Variants in FAM227B observed in about 807,000 individuals in gnomAD.
The protein encoded by FAM227B is family with sequence similarity 227 member B.
A neutral mutation model predicts 73.8 loss-of-function variants in FAM227B; 88 were observed. That is an observed-to-expected ratio of 1.19 (90% confidence interval 1.00 to 1.42). FAM227B has a LOEUF of 1.42. FAM227B is among the 40% of genes most tolerant of loss of function. FAM227B has a pLI of 0.00. For synonymous variants in FAM227B, 210 were observed against 190.5 expected, an observed-to-expected ratio of 1.10 and a Z score of -0.84; for missense variants, 632 against 590.9, an observed-to-expected ratio of 1.07 and a Z score of -0.72.
At chr15:49,457,003 T>C (rs891799453) in intron 11 of FAM227B, among the ~76,000 whole-genome samples, 1 of 152,086 alleles carries the variant, frequency 6.6e-6, no homozygotes, top group Admixed American at 6.6e-5. Context: ...ATCACAGAGC[T>C]AGTGAGTGGA....
intron 11 of FAM227B, among the ~76,000 whole-genome samples, chr15:49,446,991 T>A (rs2052280818): frequency 6.6e-6 from 1 of 151,482 alleles, no homozygotes; most frequent in Non-Finnish European, 1.5e-5. Flanking sequence ...TTGACAGGTA[T>A]AACCAGAACA....
chr15:49,427,679 A>C (rs909204984), intron 11 of FAM227B, among the ~76,000 whole-genome samples: 8 of 152,136 alleles, frequency 5.3e-5, no homozygotes, highest in African/African-American at 1.9e-4. Context: ...AATAGGCTTC[A>C]GAGGACTACT....
intron 2 of FAM227B, among the ~76,000 whole-genome samples, chr15:49,613,393 C>T (rs576549265): frequency 6.6e-6 from 1 of 152,058 alleles, no homozygotes; most frequent in South Asian, 2.1e-4. Context: ...CCCAGCTACT[C>T]GAGAGGCTGA....
At chr15:49,467,927 T>G (rs1451730788) in intron 11 of FAM227B, among the ~76,000 whole-genome samples, 4 of 152,120 alleles carry the variant, frequency 2.6e-5, no homozygotes, top group Non-Finnish European at 5.9e-5. Flanking sequence ...TCCCATGACA[T>G]TCTTCAGTAA....
chr15:49,602,060 T>C (rs1181205742), intron 3 of FAM227B, among the ~76,000 whole-genome samples: 6 of 152,224 alleles, frequency 3.9e-5, no homozygotes, highest in Non-Finnish European at 8.8e-5. Context: ...ACACTTAAGA[T>C]TGCTTCCTAA....
chr15:49,433,472 T>C (rs1218379359), intron 11 of FAM227B, among the ~76,000 whole-genome samples: 1 of 151,716 alleles, frequency 6.6e-6, no homozygotes, highest in Non-Finnish European at 1.5e-5. Context: ...TAAAATTAGA[T>C]GTAAATAAGA....
intron 11 of FAM227B, among the ~76,000 whole-genome samples, chr15:49,470,349 A>T (rs968709291): frequency 2.0e-5 from 3 of 152,190 alleles, no homozygotes; most frequent in Non-Finnish European, 4.4e-5. Context: ...GGTGCTGAGC[A>T]AATTTCTTTT....
chr15:49,488,687 T>C (rs1233141577), intron 11 of FAM227B: 10 of 152,170 alleles, frequency 6.6e-5, no homozygotes, highest in Non-Finnish European at 1.5e-5. Context: ...AACATTTCAC[T>C]TATGAAAAAC....
intron 10 of FAM227B, among the ~76,000 whole-genome samples, chr15:49,510,101 G>A (rs1449848819): frequency 6.6e-6 from 1 of 151,998 alleles, no homozygotes; most frequent in Non-Finnish European, 1.5e-5. Context: ...GTTACATTTT[G>A]ATGTATTAAT....
At chr15:49,573,772 T>C (rs1451549446) in intron 8 of FAM227B, among the ~76,000 whole-genome samples, 2 of 152,218 alleles carry the variant, frequency 1.3e-5, no homozygotes, top group African/African-American at 2.4e-5. Flanking sequence ...GTTTAATAAA[T>C]GTCAATTAGT....
At chr15:49,528,585 G>A (rs1392083042) in intron 10 of FAM227B, among the ~76,000 whole-genome samples, 1 of 151,676 alleles carries the variant, frequency 6.6e-6, no homozygotes, top group Non-Finnish European at 1.5e-5. Flanking sequence ...AAAAGTATTT[G>A]CAAATTGTGC....
intron 11 of FAM227B, among the ~76,000 whole-genome samples, chr15:49,434,121 CT>C (rs1488806000): frequency 6.6e-6 from 1 of 151,496 alleles, no homozygotes; most frequent in African/African-American, 2.4e-5. Context: ...CTTCAGGAGT[CT>C]TTTGGTATCT....
chr15:49,384,447 G>T (rs1334307217), intron 11 of FAM227B, among the ~76,000 whole-genome samples: 1 of 151,960 alleles, frequency 6.6e-6, no homozygotes, highest in Non-Finnish European at 1.5e-5. Flanking sequence ...ATGGGGTGGG[G>T]ACGAGTCTCA....
chr15:49,405,794 A>G (rs1317904082), intron 11 of FAM227B, among the ~76,000 whole-genome samples: 1 of 152,158 alleles, frequency 6.6e-6, no homozygotes, highest in African/African-American at 2.4e-5. Flanking sequence ...TGGAGAAGTG[A>G]TGCAGTCATT....
At chr15:49,424,471 C>T in intron 11 of FAM227B, 2 of 1,613,474 alleles carry the variant, frequency 1.2e-6, no homozygotes, top group Admixed American at 1.7e-5. Flanking sequence ...GTTATGATTA[C>T]ATGGAAGGAG....
At chr15:49,334,725 TA>T (rs2039406178) in intron 14 of FAM227B, among the ~76,000 whole-genome samples, 1 of 152,254 alleles carries the variant, frequency 6.6e-6, no homozygotes, top group African/African-American at 2.4e-5. Context: ...GTCCTCCATT[TA>T]CTTCTCTTGG....
chr15:49,376,822 A>C (rs2151500363), intron 11 of FAM227B, among the ~76,000 whole-genome samples: 1 of 152,134 alleles, frequency 6.6e-6, no homozygotes, highest in East Asian at 1.9e-4. Context: ...GCCTTATCTT[A>C]TCCACTTTTG....
intron 10 of FAM227B, among the ~76,000 whole-genome samples, chr15:49,520,096 T>C (rs1379985823): frequency 6.6e-6 from 1 of 152,086 alleles, no homozygotes; most frequent in Non-Finnish European, 1.5e-5. Flanking sequence ...ATCTCTAAGG[T>C]AGGGGGAAAA....
At chr15:49,412,275 T>G (rs1293107758) in intron 11 of FAM227B, among the ~76,000 whole-genome samples, 24 of 152,120 alleles carry the variant, frequency 1.6e-4, no homozygotes, top group Admixed American at 1.6e-3. Flanking sequence ...CCATTTTTTC[T>G]TGGCATTAGA....
Sources: gnomAD v4.1 joint callset for allele counts (sites outside exome capture counted in the v4.1 genomes callset) on GRCh38, gnomAD v4.1.1 for gene constraint, MANE v1.5 for transcripts, NCBI Gene and HGNC (gene_info 2026-07-23, HGNC 2026-07-21) for gene names.